The following SI variants were observed in gnomAD, a reference collection of about 807,000 sequenced individuals.
SI encodes the protein sucrase-isomaltase, also known as sucrase-isomaltase, intestinal.
In SI, 235 loss-of-function variants were observed where a neutral mutation model predicts 253.3. The ratio of observed to expected loss-of-function variants is 0.93; its 90% CI spans 0.83 to 1.03. The LOEUF is 1.03. Ranked by LOEUF, SI falls within the 50% of genes least tolerant of loss-of-function variation. SI has a pLI of 0.00. For synonymous variants in SI, 819 were observed against 712.0 expected (o/e 1.15, Z -2.39); for missense variants, 2,442 against 2,211.1 (o/e 1.10, Z -2.09).
chr3:165,004,588 T>A (rs1042731913), intron 37 of SI, among the ~76,000 whole-genome samples: 1 of 152,100 alleles, frequency 6.6e-6, no homozygotes, highest in Non-Finnish European at 1.5e-5. Flanking sequence ...GGTACATATA[T>A]ACAACGGAGT....
At chr3:165,029,580 A>G (rs866803571) in intron 25 of SI, among the ~76,000 whole-genome samples, 5 of 91,202 alleles carry the variant, frequency 5.5e-5, no homozygotes, top group Non-Finnish European at 1.1e-4. Context: ...GTATATATAT[A>G]CATATATATG....
intron 41 of SI, 112 bp from the exon 42 acceptor site, chr3:164,992,509 A>T: frequency 1.3e-6 from 1 of 748,282 alleles, no homozygotes; most frequent in Non-Finnish European, 2.2e-6. Flanking sequence ...GGATTAAAAT[A>T]AAAACAAAAC....
chr3:165,001,305 T>G (rs1718244888), intron 37 of SI, among the ~76,000 whole-genome samples: 1 of 151,420 alleles, frequency 6.6e-6, no homozygotes, highest in Admixed American at 6.6e-5. Flanking sequence ...ATCCTCATTT[T>G]CATGAAAACA....
At chr3:165,058,872 A>ACACACACACACACACACACACACG in intron 12 of SI, 91 bp downstream of exon 12, 1 of 1,004,404 alleles carries the variant, frequency 1.0e-6, no homozygotes, top group Non-Finnish European at 1.6e-6. Flanking sequence ...ACACACACAC[A>ACACACACACACACACACACACACG]CACACACACA....
chr3:165,000,963 A>G (rs1438346547), intron 37 of SI, among the ~76,000 whole-genome samples: 1 of 151,280 alleles, frequency 6.6e-6, no homozygotes. Context: ...TTCAATTATT[A>G]TAAAAAAGTT....
intron 44 of SI, among the ~76,000 whole-genome samples, chr3:164,989,498 G>A (rs77555309): frequency 0.051 from 7,795 of 151,570 alleles, 676 homozygotes; most frequent in African/African-American, 0.18. Context: ...GAAATGAGAA[G>A]AGAAAGAAGA....
Position 164,996,772 on chromosome 3 carries a change from C to A in SI, c.4541G>T (p.Gly1514Val). 9.8e-7 allele frequency: 1 copy of A among 1,022,420 alleles called. No homozygotes were observed. Among genetic ancestry groups the A allele is most frequent in the Non-Finnish European group, 1.5e-6 (1 of 676,468 alleles). 63.3% of individuals were successfully genotyped at this position (1,022,420 alleles called of 1,614,324 possible). A position where few individuals can be genotyped will look rare whatever the true frequency, so the allele number is the denominator to read the frequency against. ...RWDNMDKSII[G>V]MMEFSLFGMS... ...TCCAAACAGACTAAATTCCATCATA[C>A]CTGAAAAAGTTAGAAAAAATATCTT... Residue 1514 changes from glycine (G) to valine (V), a missense_variant and splice_region_variant, in exon 39 of 48, where the codon GGT becomes GTT. Gly to Val is a moderately radical substitution (Grantham distance 109, BLOSUM62 -3). Coordinates refer to ENST00000264382, the MANE Select transcript of SI (RefSeq NM_001041.4).
At chr3:165,049,338 G>A in intron 14 of SI, 94 bp from the exon 15 acceptor site, 2 of 787,312 alleles carry the variant, frequency 2.5e-6, no homozygotes, top group Non-Finnish European at 4.3e-6. Flanking sequence ...TTTCATTTGT[G>A]TTATGAAATT....
At chr3:165,080,170 C>A (rs374623345), upstream of SI, among the ~76,000 whole-genome samples, 1 of 151,970 alleles carries the variant, frequency 6.6e-6, no homozygotes, top group East Asian at 1.9e-4. Context: ...ATTGATAAAT[C>A]TTATATTTCA....
intron 37 of SI, among the ~76,000 whole-genome samples, chr3:165,003,825 A>T (rs1349520858): frequency 1.3e-5 from 2 of 152,090 alleles, no homozygotes; most frequent in Non-Finnish European, 2.9e-5. Context: ...TATACAAAAT[A>T]TAAAAAGCAA....
chr3:165,061,928 T>C (rs1167468219), intron 9 of SI, among the ~76,000 whole-genome samples: 1 of 152,020 alleles, frequency 6.6e-6, no homozygotes, highest in African/African-American at 2.4e-5. Flanking sequence ...GGAGTTTACC[T>C]GCTGTGAATT....
Position 165,023,761 on chromosome 3 carries a change from T to TG in SI, c.2907dup (p.Lys970GlnfsTer4). 1 of 1,609,944 alleles carries TG rather than the reference T, an allele frequency of 6.2e-7. No homozygotes were observed. The highest frequency in any genetic ancestry group is 8.5e-7 in the Non-Finnish European group (1 of 1,177,230). On this transcript the variant is annotated frameshift_variant, in exon 26 of 48. Coordinates refer to ENST00000264382, the MANE Select transcript of SI (RefSeq NM_001041.4). LOFTEE classifies it high-confidence loss of function. ...CTGGGAAAGTAACACTCAGGTGCTTTGGATAGAGAAGAACCCTAAAAACAC... is the reference window on the plus strand; with the variant it reads ...CTGGGAAAGTAACACTCAGGTGCTTTGGGATAGAGAAGAACCCTAAAAACAC...
intron 12 of SI, 69 bp from the exon 13 acceptor site, chr3:165,055,376 A>G: frequency 1.1e-6 from 1 of 896,068 alleles, no homozygotes; most frequent in Non-Finnish European, 1.8e-6. Context: ...TTTCAAATTA[A>G]TAAAGTTGAG....
chr3:165,036,606 A>T, intron 21 of SI, 129 bp from the exon 22 acceptor site: 2 of 611,866 alleles, frequency 3.3e-6, no homozygotes, highest in South Asian at 3.9e-5. Context: ...TGACATCAAT[A>T]AATTTGTATT....
At chr3:164,993,859 G>A (rs1238333155) in intron 41 of SI, among the ~76,000 whole-genome samples, 1 of 151,656 alleles carries the variant, frequency 6.6e-6, no homozygotes, top group Non-Finnish European at 1.5e-5. Context: ...ATGGTCTCCA[G>A]TAAGACATCT....
chr3:165,036,912 A>T (rs1278454588), intron 21 of SI, among the ~76,000 whole-genome samples: 1 of 151,870 alleles, frequency 6.6e-6, no homozygotes, highest in Non-Finnish European at 1.5e-5. Context: ...GGAATCTGTA[A>T]GAATCTTATA....
chr3:164,994,334 G>T lies in SI; in HGVS notation c.4764C>A (p.Thr1588=). The T allele has an allele frequency of 6.2e-7, 1 of 1,610,760 alleles. No homozygotes were observed. The highest frequency in any genetic ancestry group is 8.5e-7 in the Non-Finnish European group (1 of 1,177,654). ...TTTGTGTGTAAAAATAGGGCAATAA[G>T]GTGTATCTAATATTTAGAATATTCC... is the stretch of plus-strand genomic sequence containing the variant. The part of the protein sequence containing the change: ...MSRNILNIRY[T]LLPYFYTQMH... The change falls in exon 41 of 48, where the codon ACC becomes ACA. Residue 1588 remains threonine (T), a synonymous_variant. Transcript: ENST00000264382.
Position 165,074,471 on chromosome 3 carries a change from AT to A in SI, c.255+59del, listed in dbSNP as rs1714810978. On this transcript the variant is annotated intron_variant, in intron 3 of 47. Transcript: ENST00000264382. ...AATAAGATCGATCCAATATTCAGCA[AT>A]TATCTTAATATAATAATGTATATAT... The A allele has an allele frequency of 8.4e-6, 9 of 1,073,074 alleles. No individual in the cohort carries two copies. The East Asian group carries it at 2.5e-4, about 30-fold the overall frequency. The allele number at this position is 1,073,074 out of a possible 1,614,324, so 66.5% of individuals were successfully genotyped here. A position where few individuals can be genotyped will look rare whatever the true frequency, so the allele number is the denominator to read the frequency against.
chr3:164,994,134 T>C (rs1717904744), intron 41 of SI, 123 bp downstream of exon 41: 3 of 788,342 alleles, frequency 3.8e-6, no homozygotes, highest in South Asian at 3.2e-5. Context: ...AAAAAATGTG[T>C]GCTAATATAA....
Sources: allele counts gnomAD v4.1 joint callset (sites outside exome capture counted in the v4.1 genomes callset), GRCh38; gene constraint gnomAD v4.1.1; transcripts MANE v1.5; gene names NCBI Gene and HGNC (gene_info 2026-07-23, HGNC 2026-07-21).